DPP10: variants seen among roughly 807,000 people sequenced by gnomAD.
DPP10 encodes inactive dipeptidyl peptidase 10.
A neutral mutation model predicts 120.9 loss-of-function variants in DPP10; 33 were observed. The ratio of observed to expected loss-of-function variants is 0.27; its 90% CI spans 0.21 to 0.37. The LOEUF is 0.37. Among genes scored for constraint, DPP10 ranks in the 10% least tolerant of loss-of-function variants. DPP10 has a pLI of 1.00. For synonymous variants in DPP10, 337 were observed against 326.1 expected (o/e 1.03, Z -0.36); for missense variants, 816 against 942.8 (o/e 0.87, Z 1.76).
intron 5 of DPP10, among the ~76,000 whole-genome samples, chr2:115,599,989 G>A (rs1330454521): frequency 6.6e-6 from 1 of 151,920 alleles, no homozygotes; most frequent in Non-Finnish European, 1.5e-5. Flanking sequence ...CCTTTTTCCT[G>A]GTCTCTCCTT....
chr2:114,722,515 G>A (rs1390585191), intron 1 of DPP10, among the ~76,000 whole-genome samples: 2 of 151,950 alleles, frequency 1.3e-5, no homozygotes, highest in Non-Finnish European at 2.9e-5. Context: ...GGTGGCTCAC[G>A]CCTGTAATCC....
At chr2:114,497,274 TGTATAC>T (rs1437322257) in intron 1 of DPP10, among the ~76,000 whole-genome samples, 1 of 51,554 alleles carries the variant, frequency 1.9e-5, no homozygotes, top group Non-Finnish European at 4.8e-5. Context: ...TACATGTACA[TGTATAC>T]GTGTATACAT....
At chr2:114,895,026 C>A (rs1230502010) in intron 1 of DPP10, among the ~76,000 whole-genome samples, 1 of 152,098 alleles carries the variant, frequency 6.6e-6, no homozygotes, top group African/African-American at 2.4e-5. Context: ...TTTTAGCTTT[C>A]TCATCTACAA....
intron 3 of DPP10, among the ~76,000 whole-genome samples, chr2:115,452,745 A>C (rs561644451): frequency 1.6e-3 from 247 of 152,032 alleles, no homozygotes; most frequent in Middle Eastern, 6.8e-3. Context: ...TCTCTATGAC[A>C]TAAGAAACCT....
intron 2 of DPP10, among the ~76,000 whole-genome samples, chr2:115,334,230 G>GTTTTTTTTTTTTTTTGTTTTTTTTTT (rs1553554648): frequency 1.8e-5 from 1 of 56,412 alleles, no homozygotes; most frequent in Admixed American, 2.5e-4. Flanking sequence ...AGCAGACTCT[G>GTTTTTTTTTTTTTTTGTTTTTTTTTT]TTTTTTTTTT....
chr2:115,113,116 G>A (rs1300161502), intron 1 of DPP10, among the ~76,000 whole-genome samples: 1 of 151,526 alleles, frequency 6.6e-6, no homozygotes, highest in Non-Finnish European at 1.5e-5. Context: ...GTGTCAGTCT[G>A]GACTAAATTT....
At chr2:115,679,676 A>G (rs2090514517) in intron 5 of DPP10, among the ~76,000 whole-genome samples, 1 of 152,220 alleles carries the variant, frequency 6.6e-6, no homozygotes, top group Non-Finnish European at 1.5e-5. Context: ...CAAAATAATA[A>G]AATTCTGTTA....
intron 3 of DPP10, among the ~76,000 whole-genome samples, chr2:115,498,992 A>G (rs1460340478): frequency 6.6e-6 from 1 of 152,020 alleles, no homozygotes; most frequent in East Asian, 1.9e-4. Context: ...TACCACAGAA[A>G]AAATTCACAA....
intron 1 of DPP10, among the ~76,000 whole-genome samples, chr2:115,264,040 A>T (rs1197227690): frequency 6.6e-6 from 1 of 152,212 alleles, no homozygotes; most frequent in Non-Finnish European, 1.5e-5. Context: ...TGATTTCCAT[A>T]GTAAATACTC....
intron 1 of DPP10, among the ~76,000 whole-genome samples, chr2:114,992,553 G>T (rs1700810239): frequency 6.6e-6 from 1 of 152,158 alleles, no homozygotes; most frequent in South Asian, 2.1e-4. Flanking sequence ...ATTAGTTTCT[G>T]TTGTTTGCAA....
chr2:114,718,054 A>G (rs1183434828), intron 1 of DPP10, among the ~76,000 whole-genome samples: 1 of 152,038 alleles, frequency 6.6e-6, no homozygotes, highest in Admixed American at 6.6e-5. Flanking sequence ...GGCTTGTACC[A>G]TCTCAGAATA....
At chr2:115,568,069 T>G (rs989923990) in intron 5 of DPP10, among the ~76,000 whole-genome samples, 7 of 152,008 alleles carry the variant, frequency 4.6e-5, no homozygotes, top group Non-Finnish European at 1.0e-4. Flanking sequence ...TCCCAGCTAC[T>G]TGGGAGGCTG....
chr2:115,807,673 A>G (rs1686152697), intron 19 of DPP10, among the ~76,000 whole-genome samples: 1 of 149,250 alleles, frequency 6.7e-6, no homozygotes, highest in African/African-American at 2.5e-5. Flanking sequence ...GACATAAGGA[A>G]AACTATTTCA....
chr2:114,917,578 C>T (rs554354846), intron 1 of DPP10, among the ~76,000 whole-genome samples: 1 of 152,028 alleles, frequency 6.6e-6, no homozygotes, highest in Non-Finnish European at 1.5e-5. Context: ...CTACAGTAAG[C>T]AAAACAGCAT....
intron 7 of DPP10, among the ~76,000 whole-genome samples, chr2:115,715,688 A>G (rs758885640): frequency 6.6e-6 from 1 of 152,260 alleles, no homozygotes; most frequent in Non-Finnish European, 1.5e-5. Context: ...CTGTATAATC[A>G]TCACGTCTCC....
At chr2:115,690,087 A>C (rs985505940) in intron 7 of DPP10, among the ~76,000 whole-genome samples, 166 bp downstream of exon 7, 2 of 152,222 alleles carry the variant, frequency 1.3e-5, no homozygotes, top group Non-Finnish European at 2.9e-5. Flanking sequence ...AATACATTAA[A>C]TGATACTAGT....
At chr2:114,714,272 T>C (rs1379990876) in intron 1 of DPP10, among the ~76,000 whole-genome samples, 28 of 152,142 alleles carry the variant, frequency 1.8e-4, no homozygotes, top group Admixed American at 1.8e-3. Context: ...CCAAAGTTTT[T>C]TATAGGAAAA....
intron 1 of DPP10, among the ~76,000 whole-genome samples, chr2:115,261,082 G>T (rs558038865): frequency 6.6e-6 from 1 of 152,222 alleles, no homozygotes; most frequent in South Asian, 2.1e-4. Context: ...CACCTTAGTG[G>T]AATATAATTA....
At chr2:115,064,853 TTC>T (rs1414437401) in intron 1 of DPP10, 2 of 1,302,530 alleles carry the variant, frequency 1.5e-6, no homozygotes, top group Non-Finnish European at 2.0e-6. Flanking sequence ...CTAGCAGGGT[TTC>T]TGATTGGGTT....
Sources: allele counts gnomAD v4.1 joint callset (sites outside exome capture counted in the v4.1 genomes callset), GRCh38; gene constraint gnomAD v4.1.1; transcripts MANE v1.5; gene names NCBI Gene and HGNC (gene_info 2026-07-23, HGNC 2026-07-21).